ATXN1: variants seen among roughly 807,000 people sequenced by gnomAD.
ATXN1 encodes ataxin 1.
ATXN1 carries 8 observed loss-of-function variants against 56.4 expected under a neutral mutation model. The observed-to-expected ratio is 0.14, with a 90% CI of 0.08 to 0.26. The LOEUF is 0.26. Among genes scored for constraint, ATXN1 ranks in the 10% least tolerant of loss-of-function variants. The probability of loss-of-function intolerance (pLI) is 1.00; values close to 1 mark genes in which losing one functional copy is unlikely to be tolerated. For synonymous variants in ATXN1, 514 were observed against 494.6 expected (o/e 1.04, Z -0.52); for missense variants, 987 against 1,106.5 (o/e 0.89, Z 1.53).
chr6:16,372,994 G>C (rs891319655), intron 6 of ATXN1, among the ~76,000 whole-genome samples: 2 of 30,236 alleles, frequency 6.6e-5, no homozygotes, highest in African/African-American at 1.3e-4. Flanking sequence ...GTAGAGTAGA[G>C]AATGTAGAGA....
chr6:16,442,695 A>G (rs1031946848), intron 6 of ATXN1, among the ~76,000 whole-genome samples: 1 of 152,220 alleles, frequency 6.6e-6, no homozygotes, highest in African/African-American at 2.4e-5. Flanking sequence ...GAAGGGTACC[A>G]TATTAAGGAA....
chr6:16,597,977 T>C (rs1455630915), intron 3 of ATXN1, among the ~76,000 whole-genome samples: 2 of 151,990 alleles, frequency 1.3e-5, no homozygotes, highest in Non-Finnish European at 2.9e-5. Context: ...ATGAAGTAAA[T>C]TGCTAACACA....
chr6:16,537,932 A>G (rs1330120277), intron 4 of ATXN1, among the ~76,000 whole-genome samples: 4 of 151,988 alleles, frequency 2.6e-5, no homozygotes, highest in Non-Finnish European at 5.9e-5. Flanking sequence ...GTGATACCCC[A>G]TCTCTACTAA....
At chr6:16,713,171 G>A (rs776066314) in intron 2 of ATXN1, among the ~76,000 whole-genome samples, 3 of 152,224 alleles carry the variant, frequency 2.0e-5, no homozygotes, top group Non-Finnish European at 4.4e-5. Flanking sequence ...AAACAATGGA[G>A]TGGTAAGGGA....
chr6:16,481,295 G>A lies in ATXN1; in HGVS notation c.-161+4677C>T, dbSNP rs147564620. Among the ~76,000 whole-genome samples the A allele has an allele frequency of 1.3e-3, 193 of 151,800 alleles. 1 individual carries two copies. Among genetic ancestry groups the A allele is most frequent in the African/African-American group, 4.5e-3 (186 of 41,374 alleles). ...CTACTTCAGATTTTTTTTTTGTAAC[G>A]CTGGAGAATTTGGTATCACAGATGG... On this transcript the variant is annotated intron_variant, in intron 6 of 7. Transcript: ENST00000436367.
chr6:16,309,503 A>G (rs1011217622), intron 7 of ATXN1, among the ~76,000 whole-genome samples: 2 of 152,100 alleles, frequency 1.3e-5, no homozygotes, highest in Non-Finnish European at 2.9e-5. Flanking sequence ...TAACAGACAC[A>G]TAATTTGAAT....
intron 3 of ATXN1, among the ~76,000 whole-genome samples, chr6:16,591,966 G>T (rs1055677990): frequency 6.6e-6 from 1 of 152,050 alleles, no homozygotes; most frequent in African/African-American, 2.4e-5. Flanking sequence ...GTCATGCTGC[G>T]CATTTTCCTG....
At chr6:16,723,937 A>C (rs1561823137) in intron 2 of ATXN1, among the ~76,000 whole-genome samples, 1 of 152,202 alleles carries the variant, frequency 6.6e-6, no homozygotes, top group Non-Finnish European at 1.5e-5. Flanking sequence ...ATAAGACTAA[A>C]GCATGTTGAT....
chr6:16,721,221 G>C (rs542717359), intron 2 of ATXN1, among the ~76,000 whole-genome samples: 1 of 152,150 alleles, frequency 6.6e-6, no homozygotes, highest in Non-Finnish European at 1.5e-5. Flanking sequence ...TAAAAATCAG[G>C]AGCTACTACG....
intron 6 of ATXN1, among the ~76,000 whole-genome samples, chr6:16,434,994 T>G (rs1222022698): frequency 6.6e-6 from 1 of 151,818 alleles, no homozygotes; most frequent in Non-Finnish European, 1.5e-5. Flanking sequence ...AGAGAGAGAG[T>G]GCATTCGAAA....
intron 5 of ATXN1, among the ~76,000 whole-genome samples, chr6:16,514,061 G>A (rs762976807): frequency 3.3e-5 from 5 of 152,092 alleles, no homozygotes; most frequent in Non-Finnish European, 7.4e-5. Flanking sequence ...GCACACAGCC[G>A]TAGCGTCTCT....
chr6:16,438,282 G>A (rs1759434566), intron 6 of ATXN1, among the ~76,000 whole-genome samples: 1 of 152,208 alleles, frequency 6.6e-6, no homozygotes, highest in Non-Finnish European at 1.5e-5. Flanking sequence ...GAACCCCTGT[G>A]TTATAGGACC....
chr6:16,357,950 A>G (rs781334557), intron 6 of ATXN1, among the ~76,000 whole-genome samples: 1 of 152,222 alleles, frequency 6.6e-6, no homozygotes, highest in Non-Finnish European at 1.5e-5. Flanking sequence ...ATAAACATAC[A>G]GGAACTCTCC....
chr6:16,306,768 T>C lies in ATXN1; in HGVS notation c.2009A>G (p.Asp670Gly). ...AACTGAGAGTTTGGAACACGGCAAA[T>C]CAAAGAGCTGGCTGGTTCTCTCCGG... Reference protein sequence around the residue: ...CCPERTSQLFDLPCSKLSVGD... With the variant: ...CCPERTSQLFGLPCSKLSVGD... The change falls in exon 8 of 8, where the codon GAT becomes GGT. Residue 670 changes from aspartate to glycine, a missense_variant. Physicochemically the swap from Asp to Gly is moderately conservative, Grantham distance 94 (BLOSUM62 -1). Transcript: ENST00000436367. The surrounding 1 kb of genome is among the most constrained non-coding windows in gnomAD (Gnocchi z 5.2). 1 of 1,613,892 alleles carries C rather than the reference T, an allele frequency of 6.2e-7. No individual in the cohort carries two copies. Among genetic ancestry groups the C allele is most frequent in the South Asian group, 1.1e-5 (1 of 91,072 alleles).
At chr6:16,685,287 C>T (rs919268498) in intron 2 of ATXN1, among the ~76,000 whole-genome samples, 2 of 152,134 alleles carry the variant, frequency 1.3e-5, no homozygotes, top group Non-Finnish European at 1.5e-5. Context: ...AAAATGAAGG[C>T]TTTTGCCCAA....
intron 2 of ATXN1, among the ~76,000 whole-genome samples, chr6:16,704,481 G>A (rs1759363705): frequency 1.4e-5 from 2 of 146,572 alleles, no homozygotes; most frequent in East Asian, 4.3e-4. Flanking sequence ...TTGAGGTGTT[G>A]CTTCTTTTTA....
intron 2 of ATXN1, among the ~76,000 whole-genome samples, chr6:16,658,192 C>G (rs1758245059): frequency 6.6e-6 from 1 of 151,910 alleles, no homozygotes. Flanking sequence ...AATGCACTTG[C>G]AAAATTTCAA....
chr6:16,752,674 T>C (rs139694734), intron 2 of ATXN1, among the ~76,000 whole-genome samples: 98 of 152,320 alleles, frequency 6.4e-4, no homozygotes, highest in African/African-American at 2.0e-3. Context: ...CTTTCTTCAA[T>C]AGAGAACCAT....
At chr6:16,666,176 ACT>A (rs1392979578) in intron 2 of ATXN1, among the ~76,000 whole-genome samples, 2 of 151,238 alleles carry the variant, frequency 1.3e-5, no homozygotes, top group Non-Finnish European at 2.9e-5. Flanking sequence ...CCATCATTCT[ACT>A]CTCTGTCTCC....
Sources: allele counts gnomAD v4.1 joint callset (sites outside exome capture counted in the v4.1 genomes callset), GRCh38; gene constraint gnomAD v4.1.1; non-coding constraint Gnocchi (gnomAD v3.1); transcripts MANE v1.5; gene names NCBI Gene and HGNC (gene_info 2026-07-23, HGNC 2026-07-21).